SCN10A: variants seen among roughly 807,000 people sequenced by gnomAD.
The protein encoded by SCN10A is sodium channel protein type 10 subunit alpha.
In SCN10A, 162 loss-of-function variants were observed where a neutral mutation model predicts 170.7. The observed-to-expected ratio is 0.95, with a 90% CI of 0.84 to 1.08. The LOEUF (loss-of-function observed/expected upper bound fraction) is 1.08. SCN10A is among the 50% of genes least tolerant of loss of function. The pLI is 0.00. For missense variants in SCN10A, 2,527 were observed against 2,436.9 expected, an observed-to-expected ratio of 1.04 and a Z score of -0.78; for synonymous variants, 985 against 904.6, an observed-to-expected ratio of 1.09 and a Z score of -1.59.
chr3:38,759,697 T>C (rs942027023), intron 8 of SCN10A, among the ~76,000 whole-genome samples: 2 of 152,240 alleles, frequency 1.3e-5, no homozygotes, highest in African/African-American at 4.8e-5. Flanking sequence ...TGGGAGATTT[T>C]ATATAAAAAT....
intron 1 of SCN10A, among the ~76,000 whole-genome samples, chr3:38,808,054 T>C (rs575394188): frequency 5.9e-5 from 9 of 152,190 alleles, no homozygotes; most frequent in Non-Finnish European, 1.2e-4. Flanking sequence ...GGTTTAGACA[T>C]TCACATTCAC....
intron 17 of SCN10A, among the ~76,000 whole-genome samples, chr3:38,726,390 T>A (rs907933138): frequency 2.0e-5 from 3 of 152,324 alleles, no homozygotes; most frequent in Non-Finnish European, 4.4e-5. Flanking sequence ...GGTGGCCTTT[T>A]GCTCACCTGC....
At chr3:38,812,031 G>T (rs1253457248) in intron 1 of SCN10A, among the ~76,000 whole-genome samples, 1 of 152,214 alleles carries the variant, frequency 6.6e-6, no homozygotes, top group Non-Finnish European at 1.5e-5. Flanking sequence ...CATGGTGACT[G>T]CCAATAAGCT....
rs146388287 is a variant in SCN10A at position 38,730,664 on chromosome 3, GATAACA to G, written c.2281-1769_2281-1764del. On this transcript the variant is annotated intron_variant, in intron 15 of 27. Transcript: ENST00000449082. ...ATGTGCAGAGAATAAAAAAACTATA[GATAACA>G]ATAACAAGTTGTGAAAAATACACTC... Among the ~76,000 whole-genome samples the G allele has an allele frequency of 6.1e-3, 932 of 152,038 alleles. 6 individuals carry two copies. The highest frequency in any genetic ancestry group is 8.5e-3 in the Admixed American group (130 of 15,282).
intron 1 of SCN10A, among the ~76,000 whole-genome samples, chr3:38,795,730 AT>A (rs2064337348): frequency 1.3e-5 from 2 of 152,010 alleles, no homozygotes; most frequent in African/African-American, 4.8e-5. Flanking sequence ...ATGGCACTCT[AT>A]CTTTTGTTTT....
Position 38,725,176 on chromosome 3 carries a change from C to T in SCN10A, c.3226G>A (p.Glu1076Lys). 1 of 1,589,920 alleles carries T rather than the reference C, an allele frequency of 6.3e-7. No individual in the cohort carries two copies. Among genetic ancestry groups the T allele is most frequent in the East Asian group, 2.3e-5 (1 of 44,386 alleles). ...KDESVPQVPA[E>K]GVDDTSSSEG... ...CTCCAGGAAGCTGACATACCTACCT[C>T]AGCAGGGACCTGAGGAACAGACTCA... is the stretch of plus-strand genomic sequence containing the variant. The change falls in exon 18 of 28, where the codon GAG becomes AAG. Residue 1076 changes from glutamate (E) to lysine (K), a missense_variant and splice_region_variant. Physicochemically the swap from Glu to Lys is moderately conservative, Grantham distance 56 (BLOSUM62 1). Transcript: ENST00000449082.
At chr3:38,794,081 TG>T in intron 1 of SCN10A, 39 bp from the exon 2 acceptor site, 1 of 1,414,128 alleles carries the variant, frequency 7.1e-7, no homozygotes, top group Non-Finnish European at 9.9e-7. Context: ...GGTGACAGCT[TG>T]CCCACTGGCC....
intron 26 of SCN10A, among the ~76,000 whole-genome samples, chr3:38,705,409 C>G (rs2063199776): frequency 6.6e-6 from 1 of 152,130 alleles, no homozygotes; most frequent in African/African-American, 2.4e-5. Flanking sequence ...ATGTGGAGGT[C>G]TCCCCCTGTG....
rs776838045 is a variant in SCN10A, at chr3:38,698,141, C to G, written c.5079G>C (p.Gly1693=). 5 of 1,614,010 alleles carry G rather than the reference C, an allele frequency of 3.1e-6. No individual in the cohort carries two copies. Among genetic ancestry groups the G allele is most frequent in the Non-Finnish European group, 4.2e-6 (5 of 1,180,032 alleles). The change falls in exon 28 of 28, where the codon GGG becomes GGC. Residue 1693 remains glycine, a synonymous_variant. Coordinates refer to ENST00000449082, the MANE Select transcript of SCN10A (RefSeq NM_006514.4). ...PNSNGTRGDC[G]SPAVGIIFFT... is the part of the protein sequence containing the mutation. ...AGAAGATGATGCCTACGGCTGGGCT[C>G]CCACAGTCCCCTCTGGTGCCATTGC...
chr3:38,723,621 C>T, intron 18 of SCN10A, 68 bp from the exon 19 acceptor site: 1 of 1,530,284 alleles, frequency 6.5e-7, no homozygotes. Context: ...CACACGGTCA[C>T]TGCAGGTTCA....
intron 1 of SCN10A, among the ~76,000 whole-genome samples, chr3:38,802,953 G>GA (rs1421689958): frequency 6.6e-6 from 1 of 151,930 alleles, no homozygotes; most frequent in Admixed American, 6.6e-5. Context: ...AAATTTACAA[G>GA]AAAAAAACAA....
At chr3:38,794,920 C>A (rs1349927359) in intron 1 of SCN10A, among the ~76,000 whole-genome samples, 1 of 152,186 alleles carries the variant, frequency 6.6e-6, no homozygotes. Flanking sequence ...TCACCTGTGT[C>A]TGCAGCCTTC....
chr3:38,698,585 T>C (rs1290313156), intron 27 of SCN10A, 23 bp from the exon 28 acceptor site: 2 of 1,595,452 alleles, frequency 1.3e-6, no homozygotes, highest in East Asian at 2.2e-5. Flanking sequence ...GAAGAAATTA[T>C]CTAATTAGTA....
chr3:38,724,323 T>C (rs2063429776), intron 18 of SCN10A, among the ~76,000 whole-genome samples: 3 of 152,240 alleles, frequency 2.0e-5, no homozygotes, highest in Non-Finnish European at 4.4e-5. Context: ...CTTATCTCTG[T>C]TGAGCCCAGT....
chr3:38,730,718 TTAAAA>T (rs1341749681), intron 15 of SCN10A, among the ~76,000 whole-genome samples: 2 of 152,068 alleles, frequency 1.3e-5, no homozygotes, highest in Admixed American at 6.5e-5. Flanking sequence ...AATATAATAC[TTAAAA>T]TTAAAAATAT....
chr3:38,811,257 A>T (rs2064439397), intron 1 of SCN10A, among the ~76,000 whole-genome samples: 1 of 152,198 alleles, frequency 6.6e-6, no homozygotes, highest in Non-Finnish European at 1.5e-5. Context: ...GTTCAAGACC[A>T]GCCTAGCCAA....
intron 1 of SCN10A, among the ~76,000 whole-genome samples, chr3:38,814,602 A>AT (rs1210356299): frequency 2.0e-5 from 3 of 152,064 alleles, no homozygotes; most frequent in Non-Finnish European, 4.4e-5. Flanking sequence ...TTTCTTTTTC[A>AT]TTTCCTTCTG....
intron 1 of SCN10A, among the ~76,000 whole-genome samples, chr3:38,811,452 C>A (rs898065476): frequency 2.2e-3 from 286 of 127,716 alleles, no homozygotes; most frequent in African/African-American, 2.4e-3. Context: ...GACTCCATCT[C>A]AAAAAAAAAA....
intron 25 of SCN10A, among the ~76,000 whole-genome samples, chr3:38,707,625 G>C (rs969040601): frequency 6.6e-6 from 1 of 152,208 alleles, no homozygotes; most frequent in African/African-American, 2.4e-5. Flanking sequence ...CAGGGATCCA[G>C]AGATGCTGGA....
Sources: gnomAD v4.1 joint callset for allele counts (sites outside exome capture counted in the v4.1 genomes callset) on GRCh38, gnomAD v4.1.1 for gene constraint, MANE v1.5 for transcripts, NCBI Gene and HGNC (gene_info 2026-07-23, HGNC 2026-07-21) for gene names.